ARL14EPL: variants seen among roughly 807,000 people sequenced by gnomAD.
The protein encoded by ARL14EPL is ARL14 effector protein-like.
ARL14EPL carries 17 observed loss-of-function variants against 15.9 expected under a neutral mutation model. The ratio of observed to expected loss-of-function variants is 1.07; its 90% CI spans 0.73 to 1.60. ARL14EPL has a LOEUF of 1.60. ARL14EPL is among the 40% of genes most tolerant of loss of function. ARL14EPL has a pLI of 0.00. For missense variants in ARL14EPL, 214 were observed against 185.9 expected, an observed-to-expected ratio of 1.15 and a Z score of -0.88; for synonymous variants, 78 against 63.8, an observed-to-expected ratio of 1.22 and a Z score of -1.06.
chr5:116,056,638 G>A (rs1353773976), intron 3 of ARL14EPL, among the ~76,000 whole-genome samples: 4 of 152,076 alleles, frequency 2.6e-5, no homozygotes, highest in Non-Finnish European at 4.4e-5. Context: ...CTGTGCAGAA[G>A]CTCTTTAGTT....
intron 2 of ARL14EPL, chr5:116,051,813 T>G (rs1286759130): frequency 2.3e-6 from 2 of 874,048 alleles, no homozygotes; most frequent in Admixed American, 2.8e-5. Context: ...AAAATTCTGC[T>G]TTTTGTGGAG....
chr5:116,037,095 G>A (rs1182680655), intron 1 of ARL14EPL, among the ~76,000 whole-genome samples: 2 of 152,120 alleles, frequency 1.3e-5, no homozygotes, highest in Non-Finnish European at 2.9e-5. Context: ...ATTAAGTATA[G>A]CCAGTTCTTG....
chr5:116,045,745 A>AGAGTGTGTGTGTGTGTGT (rs1402557854), intron 1 of ARL14EPL, among the ~76,000 whole-genome samples: 12 of 148,744 alleles, frequency 8.1e-5, no homozygotes, highest in African/African-American at 3.0e-4. Flanking sequence ...GACCCACAGA[A>AGAGTGTGTGTGTGTGTGT]GTGTGTGTGT....
At chr5:116,051,655 C>T in intron 2 of ARL14EPL, 94 bp downstream of exon 2, 1 of 1,064,490 alleles carries the variant, frequency 9.4e-7, no homozygotes, top group Admixed American at 2.4e-5. Context: ...AAGGTGGGCC[C>T]AGGCAGGACC....
intron 1 of ARL14EPL, among the ~76,000 whole-genome samples, chr5:116,044,501 GTA>G (rs3072928): frequency 0.45 from 68,750 of 151,568 alleles, 17,283 homozygotes; most frequent in Non-Finnish European, 0.57. Context: ...ATATGTGTGT[GTA>G]TATATATATG....
At chr5:116,043,206 A>G (rs957630194) in intron 1 of ARL14EPL, among the ~76,000 whole-genome samples, 8 of 148,104 alleles carry the variant, frequency 5.4e-5, no homozygotes, top group African/African-American at 2.0e-4. Context: ...CGATTTTGCC[A>G]TTGAAAGTAA....
chr5:116,042,456 C>G (rs1450903990), intron 1 of ARL14EPL, among the ~76,000 whole-genome samples: 1 of 152,190 alleles, frequency 6.6e-6, no homozygotes, highest in African/African-American at 2.4e-5. Flanking sequence ...CCATCCACTT[C>G]TGGACCCCCA....
At chr5:116,032,858 T>C (rs1359637813) in intron 1 of ARL14EPL, among the ~76,000 whole-genome samples, 1 of 152,176 alleles carries the variant, frequency 6.6e-6, no homozygotes, top group African/African-American at 2.4e-5. Context: ...AGTGCAGTGC[T>C]GCCATCTCCG....
chr5:116,039,428 CA>C (rs1749107664), intron 1 of ARL14EPL, among the ~76,000 whole-genome samples: 1 of 151,576 alleles, frequency 6.6e-6, no homozygotes, highest in Admixed American at 6.6e-5. Context: ...AATAAAAGAC[CA>C]AAAAAACTTC....
At chr5:116,053,968 T>C (rs565951616) in intron 2 of ARL14EPL, 46 bp from the exon 3 acceptor site, 3 of 1,467,762 alleles carry the variant, frequency 2.0e-6, no homozygotes, top group South Asian at 1.3e-5. Flanking sequence ...GTAAAACAGA[T>C]AAAACTATCT....
intron 1 of ARL14EPL, among the ~76,000 whole-genome samples, chr5:116,034,393 A>C (rs1401369516): frequency 6.6e-6 from 1 of 152,156 alleles, no homozygotes; most frequent in Non-Finnish European, 1.5e-5. Context: ...CTTTCTGATC[A>C]CTTAGCACTA....
intron 1 of ARL14EPL, among the ~76,000 whole-genome samples, chr5:116,033,180 T>A (rs1219291488): frequency 3.9e-5 from 6 of 152,172 alleles, no homozygotes. Flanking sequence ...CCACCTCCTT[T>A]TACTACAGGA....
Position 116,052,159 on chromosome 5 carries a change from C to T in ARL14EPL, c.96+598C>T. 5 of 1,610,972 alleles carry T rather than the reference C, an allele frequency of 3.1e-6. 1 individual carries two copies. Among genetic ancestry groups the T allele is most frequent in the South Asian group, 2.2e-5 (2 of 91,018 alleles). ...TGTCAAACAAGACTAAGTTATTGAGCTTGTCCCGAACTTTGCCTTTGGACC... is the reference window on the plus strand; with the variant it reads ...TGTCAAACAAGACTAAGTTATTGAGTTTGTCCCGAACTTTGCCTTTGGACC... On this transcript the variant is annotated intron_variant, in intron 2 of 3. Coordinates refer to ENST00000686077, the MANE Select transcript of ARL14EPL (RefSeq NM_001195581.2).
chr5:116,040,057 C>T (rs1749120361), intron 1 of ARL14EPL, among the ~76,000 whole-genome samples: 1 of 152,060 alleles, frequency 6.6e-6, no homozygotes, highest in African/African-American at 2.4e-5. Flanking sequence ...TGCTGCCAAA[C>T]TTTTTACTCT....
At chr5:116,042,324 G>A (rs1057220096) in intron 1 of ARL14EPL, among the ~76,000 whole-genome samples, 15 of 152,078 alleles carry the variant, frequency 9.9e-5, no homozygotes, top group African/African-American at 3.4e-4. Context: ...TTTTATCATT[G>A]GCACATTGTC....
At chr5:116,037,481 G>A (rs1749067054) in intron 1 of ARL14EPL, among the ~76,000 whole-genome samples, 1 of 152,162 alleles carries the variant, frequency 6.6e-6, no homozygotes, top group African/African-American at 2.4e-5. Flanking sequence ...ACCTAGTGGA[G>A]ACGAAGATTC....
intron 1 of ARL14EPL, among the ~76,000 whole-genome samples, chr5:116,039,907 C>A (rs935490520): frequency 6.6e-6 from 1 of 152,224 alleles, no homozygotes; most frequent in African/African-American, 2.4e-5. Flanking sequence ...AACTGTCTGA[C>A]AAATTTTAAA....
intron 1 of ARL14EPL, among the ~76,000 whole-genome samples, chr5:116,044,235 G>C (rs1021155426): frequency 3.3e-5 from 5 of 152,094 alleles, no homozygotes; most frequent in African/African-American, 1.2e-4. Flanking sequence ...TAATGAAATA[G>C]CAGTGTTTAC....
At chr5:116,048,164 T>C (rs549356529) in intron 1 of ARL14EPL, among the ~76,000 whole-genome samples, 1 of 152,296 alleles carries the variant, frequency 6.6e-6, no homozygotes, top group Admixed American at 6.5e-5. Context: ...CTCTTTGTGT[T>C]AGAACACTTT....
Sources: gnomAD v4.1 joint callset for allele counts (sites outside exome capture counted in the v4.1 genomes callset) on GRCh38, gnomAD v4.1.1 for gene constraint, MANE v1.5 for transcripts, NCBI Gene and HGNC (gene_info 2026-07-23, HGNC 2026-07-21) for gene names.